ADAMTS12: variants seen among roughly 807,000 people sequenced by gnomAD.
ADAMTS12 encodes A disintegrin and metalloproteinase with thrombospondin motifs 12.
ADAMTS12 carries 118 observed loss-of-function variants against 167.8 expected under a neutral mutation model. That is an observed-to-expected ratio of 0.70 (90% CI 0.61 to 0.82). The LOEUF (loss-of-function observed/expected upper bound fraction) is 0.82, where lower values mean the gene tolerates loss of function less well. ADAMTS12 is among the 40% of genes least tolerant of loss of function. ADAMTS12 has a pLI of 0.00. For synonymous variants in ADAMTS12, 704 were observed against 716.9 expected, an observed-to-expected ratio of 0.98 and a Z score of 0.29; for missense variants, 1,916 against 1,998.8, an observed-to-expected ratio of 0.96 and a Z score of 0.79.
At chr5:33,708,409 C>T (rs1443923086) in intron 3 of ADAMTS12, among the ~76,000 whole-genome samples, 1 of 152,062 alleles carries the variant, frequency 6.6e-6, no homozygotes, top group Non-Finnish European at 1.5e-5. Flanking sequence ...GGATCTAGAA[C>T]CAGAAATACC....
chr5:33,723,465 G>C (rs1434889690), intron 3 of ADAMTS12, among the ~76,000 whole-genome samples: 2 of 151,982 alleles, frequency 1.3e-5, no homozygotes, highest in Admixed American at 6.6e-5. Flanking sequence ...CATAATAACT[G>C]AGCTTGGCCT....
rs147754057 is a variant in ADAMTS12, at chr5:33,733,998, TACACACACACACACACACACAC to T, written c.634+17384_634+17405del. ...GATGTCAAAGCCTACACTTCCCCAC[TACACACACACACACACACACAC>T]ACACACACACACACACACACACACA... is the stretch of plus-strand genomic sequence containing the variant. On this transcript the variant is annotated intron_variant, in intron 3 of 23. Coordinates refer to ENST00000504830, the MANE Select transcript of ADAMTS12 (RefSeq NM_030955.4). 2.7e-3 allele frequency among the ~76,000 whole-genome samples: 371 copies of T among 139,470 alleles called. 3 individuals are homozygous for T. The highest frequency in any genetic ancestry group is 9.5e-3 in the African/African-American group (352 of 37,054). 91.5% of individuals were successfully genotyped at this position (139,470 alleles called of 152,430 possible). A position where few individuals can be genotyped will look rare whatever the true frequency, so the allele number is the denominator to read the frequency against.
At chr5:33,868,778 T>C (rs1301475791) in intron 2 of ADAMTS12, among the ~76,000 whole-genome samples, 1 of 152,222 alleles carries the variant, frequency 6.6e-6, no homozygotes, top group Non-Finnish European at 1.5e-5. Context: ...GACATTTGTT[T>C]GCAAAAATTT....
At chr5:33,801,570 C>A (rs1257671095) in intron 2 of ADAMTS12, among the ~76,000 whole-genome samples, 2 of 152,204 alleles carry the variant, frequency 1.3e-5, no homozygotes, top group African/African-American at 4.8e-5. Context: ...TTAGGCAGAT[C>A]TCTTTTCTTC....
chr5:33,614,607 T>A (rs759668903), intron 15 of ADAMTS12, among the ~76,000 whole-genome samples: 1 of 152,220 alleles, frequency 6.6e-6, no homozygotes, highest in African/African-American at 2.4e-5. Flanking sequence ...ATATTTTCCA[T>A]CTAATTAGTT....
intron 19 of ADAMTS12, among the ~76,000 whole-genome samples, chr5:33,573,175 C>G (rs2111946748): frequency 6.6e-6 from 1 of 151,522 alleles, no homozygotes; most frequent in South Asian, 2.1e-4. Flanking sequence ...CCATACTGCC[C>G]AAGGTAATTT....
Position 33,864,350 on chromosome 5 carries a change from G to A in ADAMTS12, c.489+16769C>T, listed in dbSNP as rs189325210. On this transcript the variant is annotated intron_variant, in intron 2 of 23. Coordinates refer to ENST00000504830, the MANE Select transcript of ADAMTS12 (RefSeq NM_030955.4). ...AAGTCAGGAAACAACAGATGCTGGA[G>A]AGGATGTAGAGAAATAGGAATGCTT... Among the ~76,000 whole-genome samples, 409 of 152,292 alleles carry A rather than the reference G, an allele frequency of 2.7e-3. 1 individual carries two copies. Among genetic ancestry groups the A allele is most frequent in the African/African-American group, 7.0e-3 (292 of 41,594 alleles).
intron 23 of ADAMTS12, among the ~76,000 whole-genome samples, chr5:33,529,725 T>G (rs1308703867): frequency 6.6e-6 from 1 of 152,200 alleles, no homozygotes; most frequent in Non-Finnish European, 1.5e-5. Context: ...TGTCTTCTGT[T>G]AGCTTCCAGA....
At chr5:33,619,323 T>C (rs1157710977) in intron 14 of ADAMTS12, among the ~76,000 whole-genome samples, 2 of 152,222 alleles carry the variant, frequency 1.3e-5, no homozygotes, top group Non-Finnish European at 2.9e-5. Context: ...CATAAAACAA[T>C]AGAGGTAGCC....
intron 2 of ADAMTS12, among the ~76,000 whole-genome samples, chr5:33,869,390 A>G (rs1749953032): frequency 6.6e-6 from 1 of 152,070 alleles, no homozygotes; most frequent in Admixed American, 6.6e-5. Context: ...TCCAAGCAGA[A>G]GTCTGCTGCA....
At chr5:33,878,367 AT>A (rs1187072483) in intron 2 of ADAMTS12, among the ~76,000 whole-genome samples, 1 of 152,086 alleles carries the variant, frequency 6.6e-6, no homozygotes, top group Non-Finnish European at 1.5e-5. Context: ...TTCTGGCAAA[AT>A]CATTCACTGA....
chr5:33,761,246 G>C (rs1745345434), intron 2 of ADAMTS12, among the ~76,000 whole-genome samples: 1 of 152,234 alleles, frequency 6.6e-6, no homozygotes, highest in Non-Finnish European at 1.5e-5. Context: ...ATGGCCCTGG[G>C]CCTTCTTCTC....
intron 2 of ADAMTS12, among the ~76,000 whole-genome samples, chr5:33,876,133 T>G (rs1332867035): frequency 6.6e-6 from 1 of 152,120 alleles, no homozygotes; most frequent in Non-Finnish European, 1.5e-5. Context: ...ACAACACTGA[T>G]GGAAAAAATC....
At chr5:33,758,271 C>A (rs968461134) in intron 2 of ADAMTS12, among the ~76,000 whole-genome samples, 1 of 152,002 alleles carries the variant, frequency 6.6e-6, no homozygotes, top group African/African-American at 2.4e-5. Context: ...TAAAAGCTAC[C>A]CCCTGTCATA....
At chr5:33,874,294 T>C (rs1580010405) in intron 2 of ADAMTS12, among the ~76,000 whole-genome samples, 1 of 152,164 alleles carries the variant, frequency 6.6e-6, no homozygotes, top group South Asian at 2.1e-4. Flanking sequence ...CTGAAGAAGA[T>C]ATACATATGA....
chr5:33,649,050 G>T, intron 8 of ADAMTS12, 84 bp from the exon 9 acceptor site: 1 of 1,521,906 alleles, frequency 6.6e-7, no homozygotes, highest in South Asian at 1.2e-5. Flanking sequence ...ACTTCCCTCT[G>T]GTTTACTCTT....
chr5:33,829,711 T>C (rs1748223695), intron 2 of ADAMTS12, among the ~76,000 whole-genome samples: 1 of 152,184 alleles, frequency 6.6e-6, no homozygotes, highest in African/African-American at 2.4e-5. Context: ...CTGGAAACAA[T>C]TCCCCTACAC....
intron 22 of ADAMTS12, among the ~76,000 whole-genome samples, chr5:33,545,419 T>C (rs569005669): frequency 5.3e-5 from 8 of 152,300 alleles, no homozygotes; most frequent in Admixed American, 1.3e-4. Flanking sequence ...GGTGGGAGTG[T>C]AAATTAGTTC....
At chr5:33,635,062 G>A (rs912659526) in intron 12 of ADAMTS12, among the ~76,000 whole-genome samples, 3 of 152,028 alleles carry the variant, frequency 2.0e-5, no homozygotes, top group African/African-American at 7.2e-5. Context: ...GTGCAGTAAT[G>A]AGTTTTCTAT....
Sources: allele counts gnomAD v4.1 joint callset (sites outside exome capture counted in the v4.1 genomes callset), GRCh38; gene constraint gnomAD v4.1.1; transcripts MANE v1.5; gene names NCBI Gene and HGNC (gene_info 2026-07-23, HGNC 2026-07-21).